Variants in COL5A2 observed in about 807,000 individuals in gnomAD.
COL5A2 encodes collagen type V alpha 2 chain, also known as collagen alpha-2(V) chain.
Under a neutral mutation model 208.2 loss-of-function variants are expected in COL5A2, and 23 were observed. That is an observed-to-expected ratio of 0.11 (90% CI 0.08 to 0.16). The LOEUF (loss-of-function observed/expected upper bound fraction) is 0.16, where lower values mean the gene tolerates loss of function less well. Ranked by LOEUF, COL5A2 falls within the 10% of genes least tolerant of loss-of-function variation. The pLI, the probability that COL5A2 is intolerant of heterozygous loss-of-function variation, is 1.00. For synonymous variants in COL5A2, 625 were observed against 628.5 expected, an observed-to-expected ratio of 0.99 and a Z score of 0.08; for missense variants, 1,590 against 1,956.4, an observed-to-expected ratio of 0.81 and a Z score of 3.53.
At chr2:189,125,758 A>G (rs1335033480) in intron 1 of COL5A2, among the ~76,000 whole-genome samples, 1 of 152,106 alleles carries the variant, frequency 6.6e-6, no homozygotes, top group Non-Finnish European at 1.5e-5. Context: ...GTAGGCTATT[A>G]GTAGTTAATT....
the COL5A2 span, among the ~76,000 whole-genome samples, chr2:189,438,566 C>G: frequency 6.6e-6 from 1 of 152,098 alleles, no homozygotes; most frequent in Non-Finnish European, 1.5e-5. Context: ...CTGAAAGAAG[C>G]TAGACTGAAA....
chr2:189,114,630 T>G (rs1389681168), intron 1 of COL5A2, among the ~76,000 whole-genome samples: 1 of 122,142 alleles, frequency 8.2e-6, no homozygotes, highest in South Asian at 2.7e-4. Flanking sequence ...GGCCCAGGAC[T>G]TAAAAAAAAA....
intron 7 of COL5A2, among the ~76,000 whole-genome samples, chr2:189,090,721 G>A (rs1686766664): frequency 6.6e-6 from 1 of 152,146 alleles, no homozygotes; most frequent in Non-Finnish European, 1.5e-5. Context: ...AACTCTGCCT[G>A]TACCCTATAA....
At chr2:189,215,149 T>C (rs1376437993) in intron 1 of COL5A2, among the ~76,000 whole-genome samples, 1 of 152,148 alleles carries the variant, frequency 6.6e-6, no homozygotes, top group African/African-American at 2.4e-5. Flanking sequence ...AACAAATCTA[T>C]ACATAGTTAC....
chr2:189,430,562 G>C, the COL5A2 span, among the ~76,000 whole-genome samples: 2 of 152,356 alleles, frequency 1.3e-5, no homozygotes, highest in East Asian at 3.9e-4. Context: ...GGCTCCGCAG[G>C]ACCCACACCC....
At position 189,053,010 on chromosome 2, in the gene COL5A2, G is replaced by T. The variant is rs148430780; in HGVS notation, c.2562C>A (p.Asp854Glu). 1.2e-6 allele frequency: 2 copies of T among 1,612,642 alleles called. No individual in the cohort carries two copies. Among genetic ancestry groups the T allele is most frequent in the Non-Finnish European group, 1.7e-6 (2 of 1,178,914 alleles). The change falls in exon 39 of 54, where the codon GAC (aspartate) becomes GAA (glutamate). Residue 854 changes from aspartate (D) to glutamate (E), a missense_variant. By Grantham distance (45) the Asp-to-Glu change is conservative (BLOSUM62 2). Transcript: ENST00000374866. The part of the protein sequence containing the change: ...AVGFAGPQGP[D>E]GQPGVKGEPG... ...GTTCACCTTTTACTCCAGGCTGTCC[G>T]TCAGGACCCTATAAAAAATTATACA...
At chr2:189,087,309 C>T (rs1350868794) in intron 8 of COL5A2, among the ~76,000 whole-genome samples, 1 of 152,148 alleles carries the variant, frequency 6.6e-6, no homozygotes, top group East Asian at 1.9e-4. Flanking sequence ...ACTATCCACA[C>T]AGGCTTTCCT....
At chr2:189,275,929 A>G in the COL5A2 span, among the ~76,000 whole-genome samples, 2 of 152,172 alleles carry the variant, frequency 1.3e-5, no homozygotes, top group Non-Finnish European at 2.9e-5. Flanking sequence ...AACTGAAAAT[A>G]CAAAAAAATA....
chr2:189,043,317 T>C (rs1004470680), intron 47 of COL5A2, 59 bp from the exon 48 acceptor site: 2 of 1,199,724 alleles, frequency 1.7e-6, no homozygotes, highest in African/African-American at 3.0e-5. Flanking sequence ...GAGACTAAAA[T>C]TTACTAAAAT....
chr2:189,324,870 A>G, the COL5A2 span, among the ~76,000 whole-genome samples: 1 of 152,206 alleles, frequency 6.6e-6, no homozygotes, highest in African/African-American at 2.4e-5. Flanking sequence ...AAGCACACAT[A>G]TGTCTATTGC....
the COL5A2 span, among the ~76,000 whole-genome samples, chr2:189,439,491 TAACACAAAGAACAAAGTAGAGAA>T: frequency 6.6e-6 from 1 of 152,164 alleles, no homozygotes; most frequent in African/African-American, 2.4e-5. Context: ...TTAAGGACAA[TAACACAAAGAACAAAGTAGAGAA>T]AGCACAGGTC....
At chr2:189,371,087 T>C in the COL5A2 span, among the ~76,000 whole-genome samples, 4 of 152,008 alleles carry the variant, frequency 2.6e-5, no homozygotes, top group Admixed American at 1.3e-4. Context: ...TAAAAGAGCA[T>C]GGCACCTCCC....
chr2:189,183,867 C>T (rs1416773278), upstream of COL5A2, among the ~76,000 whole-genome samples: 1 of 152,122 alleles, frequency 6.6e-6, no homozygotes, highest in Non-Finnish European at 1.5e-5. Context: ...ACAGATTTTC[C>T]CAGACACATA....
intron 1 of COL5A2, among the ~76,000 whole-genome samples, chr2:189,112,890 C>T (rs533501323): frequency 6.6e-6 from 1 of 152,264 alleles, no homozygotes; most frequent in South Asian, 2.1e-4. Context: ...TCCAAAGACA[C>T]AACCTGTATA....
intron 1 of COL5A2, among the ~76,000 whole-genome samples, chr2:189,224,329 A>C (rs920410197): frequency 6.6e-6 from 1 of 152,108 alleles, no homozygotes; most frequent in African/African-American, 2.4e-5. Context: ...TACCATTCCA[A>C]TTTAGAGAGA....
chr2:189,300,531 C>A, the COL5A2 span, among the ~76,000 whole-genome samples: 1 of 152,182 alleles, frequency 6.6e-6, no homozygotes, highest in Non-Finnish European at 1.5e-5. Flanking sequence ...TATCCCCATT[C>A]TTCAGTCAAG....
the COL5A2 span, among the ~76,000 whole-genome samples, chr2:189,336,698 G>A: frequency 6.6e-6 from 1 of 152,182 alleles, no homozygotes; most frequent in Non-Finnish European, 1.5e-5. Flanking sequence ...GTTTGGAGGA[G>A]AGTAATGGTA....
At chr2:189,391,552 G>C in the COL5A2 span, among the ~76,000 whole-genome samples, 1 of 152,020 alleles carries the variant, frequency 6.6e-6, no homozygotes, top group East Asian at 1.9e-4. Flanking sequence ...AATTACTCTG[G>C]ATTGTCTTTT....
intron 26 of COL5A2, among the ~76,000 whole-genome samples, 160 bp downstream of exon 26, chr2:189,063,820 T>C (rs781204381): frequency 2.0e-5 from 3 of 152,180 alleles, no homozygotes. Context: ...TTTGTCAACT[T>C]GAAAATAGAT....
Sources: gnomAD v4.1 joint callset for allele counts (sites outside exome capture counted in the v4.1 genomes callset) on GRCh38, gnomAD v4.1.1 for gene constraint, MANE v1.5 for transcripts, NCBI Gene and HGNC (gene_info 2026-07-23, HGNC 2026-07-21) for gene names.